Variants in SOX5 observed in about 807,000 individuals in gnomAD.
SOX5 encodes the protein SRY-box transcription factor 5.
Under a neutral mutation model 92.0 loss-of-function variants are expected in SOX5, and 9 were observed. The ratio of observed to expected loss-of-function variants is 0.10; its 90% confidence interval spans 0.06 to 0.17. SOX5 has a LOEUF of 0.17. SOX5 is among the 10% of genes least tolerant of loss of function. The pLI, the probability that SOX5 is intolerant of heterozygous loss-of-function variation, is 1.00. For missense variants in SOX5, 642 were observed against 944.5 expected, an observed-to-expected ratio of 0.68 and a Z score of 4.20; for synonymous variants, 344 against 336.3, an observed-to-expected ratio of 1.02 and a Z score of -0.25.
chr12:23,570,055 C>A (rs1452345099), intron 10 of SOX5, among the ~76,000 whole-genome samples: 2 of 152,050 alleles, frequency 1.3e-5, no homozygotes, highest in Non-Finnish European at 2.9e-5. Flanking sequence ...AAGCCTGGAC[C>A]ATATGGTACA....
chr12:23,814,571 C>T (rs189484901), intron 3 of SOX5, among the ~76,000 whole-genome samples: 4 of 152,138 alleles, frequency 2.6e-5, no homozygotes, highest in African/African-American at 7.2e-5. Flanking sequence ...TTTCCCTGGA[C>T]GTACACAATT....
At chr12:23,822,041 T>C (rs2096129456) in intron 3 of SOX5, among the ~76,000 whole-genome samples, 1 of 152,156 alleles carries the variant, frequency 6.6e-6, no homozygotes, top group Non-Finnish European at 1.5e-5. Flanking sequence ...TGGCTAGCAG[T>C]CTATCTATTT....
At chr12:24,174,202 T>C (rs1954541961) in intron 4 of SOX5, among the ~76,000 whole-genome samples, 1 of 152,130 alleles carries the variant, frequency 6.6e-6, no homozygotes, top group Admixed American at 6.5e-5. Flanking sequence ...TTTGCCATGT[T>C]TGCCCAGGAT....
intron 4 of SOX5, among the ~76,000 whole-genome samples, chr12:24,087,872 C>T (rs79626229): frequency 0.038 from 5,725 of 151,562 alleles, 141 homozygotes; most frequent in Admixed American, 0.06. Flanking sequence ...ATATGAATAA[C>T]AGGAAAAAAT....
intron 1 of SOX5, among the ~76,000 whole-genome samples, chr12:23,897,361 T>C (rs770163133): frequency 3.9e-5 from 6 of 151,988 alleles, no homozygotes; most frequent in Non-Finnish European, 7.4e-5. Context: ...ATTAGGACAG[T>C]AGAAAAAAAT....
chr12:24,026,858 G>C (rs1954947360), intron 4 of SOX5, among the ~76,000 whole-genome samples: 1 of 151,878 alleles, frequency 6.6e-6, no homozygotes, highest in Non-Finnish European at 1.5e-5. Context: ...AAAATCTGAG[G>C]CCACAGTAGT....
rs1361013952 is a variant in SOX5 at position 23,604,426 on chromosome 12, G to A, written c.1125C>T (p.His375=). ...LGAAVSPTSI[H]TDKSTNSPPP... is the part of the protein sequence containing the mutation. ...GTGGGCTGTTTGTGCTCTTGTCTGT[G>A]TGAATGCTGGTAGGAGATACAGCAG... The change falls in exon 9 of 15, where the codon CAC becomes CAT. Residue 375 remains histidine (H), a synonymous_variant. Coordinates refer to ENST00000451604, the MANE Select transcript of SOX5 (RefSeq NM_006940.6). The A allele has an allele frequency of 1.9e-6, 3 of 1,613,692 alleles. No individual in the cohort carries two copies. Among genetic ancestry groups the A allele is most frequent in the African/African-American group, 2.7e-5 (2 of 74,892 alleles).
intron 10 of SOX5, among the ~76,000 whole-genome samples, chr12:23,572,801 A>G (rs1238137865): frequency 6.6e-6 from 1 of 152,192 alleles, no homozygotes; most frequent in East Asian, 1.9e-4. Flanking sequence ...GAGCAGAGTA[A>G]CTGGAGTTAG....
At chr12:24,486,473 C>T (rs887996801) in intron 1 of SOX5, among the ~76,000 whole-genome samples, 1 of 152,314 alleles carries the variant, frequency 6.6e-6, no homozygotes, top group African/African-American at 2.4e-5. Context: ...CTATACCTGA[C>T]TCCCTCTAAA....
chr12:23,979,779 G>A (rs1371563666), intron 4 of SOX5, among the ~76,000 whole-genome samples: 1 of 119,168 alleles, frequency 8.4e-6, no homozygotes, highest in Non-Finnish European at 1.6e-5. Context: ...GTGCAGTAGT[G>A]TGATCATAGC....
intron 3 of SOX5, among the ~76,000 whole-genome samples, chr12:24,236,105 T>C (rs1172345319): frequency 6.6e-6 from 1 of 152,086 alleles, no homozygotes; most frequent in African/African-American, 2.4e-5. Context: ...GGCAGGAGAA[T>C]GGCGTGAACC....
At chr12:23,852,607 G>A (rs967171102) in intron 2 of SOX5, among the ~76,000 whole-genome samples, 35 of 152,008 alleles carry the variant, frequency 2.3e-4, no homozygotes, top group African/African-American at 8.0e-4. Context: ...TGTTAGTTTA[G>A]GCTTTTATTT....
chr12:24,312,991 G>A (rs986776948), intron 2 of SOX5, among the ~76,000 whole-genome samples: 27 of 152,054 alleles, frequency 1.8e-4, no homozygotes, highest in African/African-American at 6.5e-4. Flanking sequence ...GTCAGCCCCG[G>A]TTGTATGCTT....
At chr12:23,864,354 A>G (rs75646547) in intron 2 of SOX5, among the ~76,000 whole-genome samples, 1,721 of 152,270 alleles carry the variant, frequency 0.011, 45 homozygotes, top group African/African-American at 0.039. Context: ...TAAGGGTTCA[A>G]GTAAAAGGAT....
At chr12:24,399,051 T>G (rs1553670) in intron 1 of SOX5, among the ~76,000 whole-genome samples, 150,261 of 152,288 alleles carry the variant, frequency 0.99, 74,136 homozygotes, top group East Asian at 1. Flanking sequence ...TTCTCCCTTT[T>G]TTGGACCCCC....
chr12:24,323,296 A>ATT (rs1182553661), intron 2 of SOX5, among the ~76,000 whole-genome samples: 4 of 151,068 alleles, frequency 2.6e-5, no homozygotes, highest in Non-Finnish European at 4.4e-5. Flanking sequence ...TATGTAGCTG[A>ATT]TTATATATAT....
intron 2 of SOX5, among the ~76,000 whole-genome samples, chr12:24,342,826 G>A (rs1486950427): frequency 1.3e-5 from 2 of 152,108 alleles, no homozygotes; most frequent in Middle Eastern, 3.2e-3. Flanking sequence ...GAGATCCCAG[G>A]AGCATTTAGA....
At chr12:24,398,186 C>G (rs1960556546) in intron 1 of SOX5, among the ~76,000 whole-genome samples, 1 of 152,104 alleles carries the variant, frequency 6.6e-6, no homozygotes, top group Non-Finnish European at 1.5e-5. Context: ...ATCATTCATT[C>G]TTTCCTCTGG....
At chr12:23,780,515 TA>T (rs34955683) in intron 3 of SOX5, among the ~76,000 whole-genome samples, 4 of 151,746 alleles carry the variant, frequency 2.6e-5, no homozygotes. Context: ...TTGAGTGTAA[TA>T]AAAAATTAGA....
Sources: allele counts gnomAD v4.1 joint callset (sites outside exome capture counted in the v4.1 genomes callset), GRCh38; gene constraint gnomAD v4.1.1; transcripts MANE v1.5; gene names NCBI Gene and HGNC (gene_info 2026-07-23, HGNC 2026-07-21).